SRPRB: variants seen among roughly 807,000 people sequenced by gnomAD.
SRPRB encodes the protein SRP receptor subunit beta.
In SRPRB, 20 loss-of-function variants were observed where a neutral mutation model predicts 31.9. The observed-to-expected ratio is 0.63, with a 90% CI of 0.44 to 0.91. The LOEUF (loss-of-function observed/expected upper bound fraction) is 0.91. Ranked by LOEUF, SRPRB falls within the 40% of genes least tolerant of loss-of-function variation. The pLI, the probability that SRPRB is intolerant of heterozygous loss-of-function variation, is 0.00. For synonymous variants in SRPRB, 146 were observed against 132.8 expected, an observed-to-expected ratio of 1.10 and a Z score of -0.68; for missense variants, 321 against 324.9, an observed-to-expected ratio of 0.99 and a Z score of 0.09.
Position 133,819,765 on chromosome 3 carries a change from G to GA in SRPRB, c.816dup, listed in dbSNP as rs750713240. ...DLEKWLAKIA[*] ...GAGAAATGGCTGGCTAAAATTGCCT[G>GA]AGAGGCAGCTCTAAAGCACAAGACC... The change falls in exon 7 of 7, where the codon TGA becomes TGAA. Residue 272 remains the stop codon, a frameshift_variant and stop_retained_variant. Transcript: ENST00000678299. LOFTEE classifies it high-confidence loss of function. The GA allele has an allele frequency of 3.7e-6, 6 of 1,613,702 alleles. No individual in the cohort carries two copies. Among genetic ancestry groups the GA allele is most frequent in the Non-Finnish European group, 5.1e-6 (6 of 1,179,892 alleles).
intron 3 of SRPRB, among the ~76,000 whole-genome samples, chr3:133,809,058 T>G: frequency 6.6e-6 from 1 of 151,806 alleles, no homozygotes; most frequent in Non-Finnish European, 1.5e-5. Flanking sequence ...AGTGGCATGA[T>G]CTTGGCTCAC....
At chr3:133,800,887 A>T (rs1376801481), upstream of SRPRB, among the ~76,000 whole-genome samples, 1 of 152,188 alleles carries the variant, frequency 6.6e-6, no homozygotes, top group East Asian at 1.9e-4. Context: ...TTTAAAAATA[A>T]CGTGTTCGTT....
chr3:133,808,058 T>C (rs1286646673), intron 3 of SRPRB, among the ~76,000 whole-genome samples: 1 of 152,242 alleles, frequency 6.6e-6, no homozygotes, highest in Non-Finnish European at 1.5e-5. Flanking sequence ...CACATTTTAT[T>C]CTTATTTTTT....
intron 4 of SRPRB, among the ~76,000 whole-genome samples, chr3:133,814,897 C>A (rs112613578): frequency 0.013 from 1,950 of 152,326 alleles, 48 homozygotes; most frequent in African/African-American, 0.044. Context: ...ATTGCTTTGT[C>A]TTCCATTTAG....
intron 1 of SRPRB, chr3:133,787,259 A>G (rs1394459569): frequency 1.3e-5 from 2 of 152,210 alleles, no homozygotes; most frequent in African/African-American, 2.4e-5. Context: ...TGAAATTCAT[A>G]GGAAAGCTTG....
At chr3:133,804,676 G>A (rs968253278), upstream of SRPRB, among the ~76,000 whole-genome samples, 1 of 151,716 alleles carries the variant, frequency 6.6e-6, no homozygotes, top group African/African-American at 2.4e-5. Flanking sequence ...AGGCATGGGT[G>A]CCTGAGAACC....
intron 6 of SRPRB, among the ~76,000 whole-genome samples, chr3:133,819,047 GA>G (rs1197551667): frequency 5.9e-5 from 9 of 152,218 alleles, no homozygotes; most frequent in Non-Finnish European, 7.4e-5. Context: ...CTTACATTGG[GA>G]AGGTTTTGGT....
downstream of SRPRB, chr3:133,827,749 C>CCCGCT (rs1559896930): frequency 4.8e-5 from 1 of 20,654 alleles, no homozygotes; most frequent in Non-Finnish European, 1.2e-4. Flanking sequence ...AGACAACACC[C>CCCGCT]CCCCCCCCCC....
chr3:133,809,747 T>G (rs1366255268), intron 3 of SRPRB, among the ~76,000 whole-genome samples: 1 of 152,192 alleles, frequency 6.6e-6, no homozygotes, highest in Non-Finnish European at 1.5e-5. Context: ...TCTTGAAGAC[T>G]TAGTATGGAA....
chr3:133,797,743 GGT>G (rs1251009830), intron 1 of SRPRB, among the ~76,000 whole-genome samples: 4 of 152,110 alleles, frequency 2.6e-5, no homozygotes, highest in African/African-American at 9.7e-5. Flanking sequence ...AGTTAATATT[GGT>G]GTGTTTTAAA....
chr3:133,826,746 C>G (rs1935569727), downstream of SRPRB: 2 of 152,636 alleles, frequency 1.3e-5, no homozygotes, highest in African/African-American at 4.8e-5. Context: ...TTATTGATGG[C>G]AAGACAATCA....
rs373523189 is a variant in SRPRB, at chr3:133,820,257, GT to G, written c.*493del. The G allele has an allele frequency of 1.6e-4, 26 of 162,176 alleles. No individual in the cohort carries two copies. In the East Asian group the frequency reaches 3.5e-3, roughly 22 times the overall value. The allele number at this position is 162,176 out of a possible 1,614,324, so 10.0% of individuals were successfully genotyped here. A position where few individuals can be genotyped will look rare whatever the true frequency, so the allele number is the denominator to read the frequency against. On this transcript the variant is annotated 3_prime_UTR_variant, in exon 7 of 7. Transcript: ENST00000678299. ...CGAATTTCTCTGATTTGTGGGCACA[GT>G]TATGAAGTTTCCCCACATGTGAAGA...
chr3:133,809,325 G>C (rs1935219018), intron 3 of SRPRB, among the ~76,000 whole-genome samples: 1 of 152,160 alleles, frequency 6.6e-6, no homozygotes, highest in Non-Finnish European at 1.5e-5. Context: ...AGTGGAGTGA[G>C]GGCTCGTTGG....
chr3:133,824,290 A>G (rs1297333794), downstream of SRPRB: 1 of 152,212 alleles, frequency 6.6e-6, no homozygotes, highest in Admixed American at 6.5e-5. Context: ...AGTCTTTTCC[A>G]CATTTTACAC....
chr3:133,805,874 TG>T lies in SRPRB; in HGVS notation c.28del (p.Ala10GlnfsTer14), dbSNP rs1935143986. On this transcript the variant is annotated frameshift_variant, in exon 1 of 7. Coordinates refer to ENST00000678299, the MANE Select transcript of SRPRB (RefSeq NM_001379313.1). LOFTEE classifies it high-confidence loss of function. The stretch of plus-strand genomic sequence containing the variant: ...ATGGCTTCCGCGGACTCGCGCCGGG[TG>T]GCAGATGGCGGCGGTGCCGGGGGCA... The part of the protein sequence containing the change: MASADSRR[V>X]ADGGGAGGTF... The T allele has an allele frequency of 1.2e-6, 2 of 1,612,232 alleles. No homozygotes were observed. Among genetic ancestry groups the T allele is most frequent in the South Asian group, 2.2e-5 (2 of 90,834 alleles).
downstream of SRPRB, chr3:133,828,280 C>G: frequency 2.3e-6 from 1 of 441,152 alleles, no homozygotes; most frequent in Non-Finnish European, 4.0e-6. Context: ...GAGAGTGGGG[C>G]CAGATGGCCC....
Position 133,805,868 on chromosome 3 carries a change from G to C in SRPRB, c.20G>C (p.Arg7Pro). 6.2e-7 allele frequency: 1 copy of C among 1,611,726 alleles called. No homozygotes were observed. Among genetic ancestry groups the C allele is most frequent in the Non-Finnish European group, 8.5e-7 (1 of 1,178,886 alleles). Residue 7 changes from arginine (R) to proline (P), a missense_variant, in exon 1 of 7, where the codon CGC (arginine) becomes CCC (proline). Transcript: ENST00000678299. ...TCATCCATGGCTTCCGCGGACTCGC[G>C]CCGGGTGGCAGATGGCGGCGGTGCC... is the stretch of plus-strand genomic sequence containing the variant. The part of the protein sequence containing the change: MASADS[R>P]RVADGGGAGG...
intron 1 of SRPRB, among the ~76,000 whole-genome samples, chr3:133,799,003 A>G (rs766508694): frequency 1.3e-5 from 2 of 152,198 alleles, no homozygotes; most frequent in African/African-American, 2.4e-5. Context: ...ACTCACTCAT[A>G]AAGAAATAGA....
chr3:133,784,742 G>C (rs1180656362), intron 1 of SRPRB: 1 of 152,106 alleles, frequency 6.6e-6, no homozygotes, highest in East Asian at 1.9e-4. Context: ...ATTGCCTTCC[G>C]TGAAACCATT....
Sources: gnomAD v4.1 joint callset for allele counts (sites outside exome capture counted in the v4.1 genomes callset) on GRCh38, gnomAD v4.1.1 for gene constraint, MANE v1.5 for transcripts, NCBI Gene and HGNC (gene_info 2026-07-23, HGNC 2026-07-21) for gene names.